Variants in PCDH15 observed in about 807,000 individuals in gnomAD.
The protein encoded by PCDH15 is protocadherin-15.
PCDH15 carries 129 observed loss-of-function variants against 178.5 expected under a neutral mutation model. The observed-to-expected ratio is 0.72, with a 90% CI of 0.63 to 0.84. PCDH15 has a LOEUF of 0.84. Among genes scored for constraint, PCDH15 ranks in the 40% least tolerant of loss-of-function variants. PCDH15 has a pLI of 0.00. For missense variants in PCDH15, 2,230 were observed against 2,099.9 expected (o/e 1.06, Z -1.21); for synonymous variants, 800 against 732.0 (o/e 1.09, Z -1.50).
chr10:55,548,511 C>T (rs767322287), intron 2 of PCDH15, among the ~76,000 whole-genome samples: 2 of 151,934 alleles, frequency 1.3e-5, no homozygotes, highest in African/African-American at 2.4e-5. Flanking sequence ...CTAGATAATC[C>T]ACAAATAATG....
chr10:55,472,618 G>C (rs551670593), intron 2 of PCDH15, among the ~76,000 whole-genome samples: 1 of 152,128 alleles, frequency 6.6e-6, no homozygotes, highest in Non-Finnish European at 1.5e-5. Flanking sequence ...GCCCAGGCTG[G>C]AGTGCAGTGG....
intron 23 of PCDH15, among the ~76,000 whole-genome samples, chr10:53,953,964 G>A (rs2087352472): frequency 6.6e-6 from 1 of 151,988 alleles, no homozygotes. Context: ...TAATTTTTTT[G>A]TATTTTTAGT....
rs138887533 is a variant in PCDH15 at position 55,505,867 on chromosome 10, T to C, written c.-156+121758A>G. Among the ~76,000 whole-genome samples, 1,218 of 151,490 alleles carry C rather than the reference T, an allele frequency of 8.0e-3. 9 individuals carry two copies. Among genetic ancestry groups the C allele is most frequent in the Non-Finnish European group, 0.012 (813 of 67,626 alleles). On this transcript the variant is annotated intron_variant, in intron 2 of 5. Coordinates refer to the PCDH15 transcript ENST00000613346. ...CTGTAGGAAGACTTCCTTGAGGAAG[T>C]GACATTTTAGCTGAACCTCCAGGTG...
At chr10:54,792,282 C>T (rs1340522940) in intron 1 of PCDH15, among the ~76,000 whole-genome samples, 1 of 151,888 alleles carries the variant, frequency 6.6e-6, no homozygotes, top group Admixed American at 6.6e-5. Context: ...ATCTCTACCC[C>T]ACTAGTGACT....
chr10:54,059,728 T>C (rs1300618201), intron 18 of PCDH15, among the ~76,000 whole-genome samples: 1 of 152,234 alleles, frequency 6.6e-6, no homozygotes, highest in Non-Finnish European at 1.5e-5. Context: ...GATAGCCACC[T>C]AACGCATGTT....
chr10:55,527,084 T>C (rs1348821495), intron 2 of PCDH15, among the ~76,000 whole-genome samples: 1 of 152,050 alleles, frequency 6.6e-6, no homozygotes, highest in African/African-American at 2.4e-5. Context: ...GATGGAAATT[T>C]TTTCCTACCT....
chr10:54,194,841 G>A (rs1004787261), intron 11 of PCDH15, among the ~76,000 whole-genome samples: 2 of 152,074 alleles, frequency 1.3e-5, no homozygotes, highest in Non-Finnish European at 2.9e-5. Flanking sequence ...GAATACCTCT[G>A]GGGAACTTAA....
chr10:54,727,606 G>A (rs1942758293), intron 1 of PCDH15, among the ~76,000 whole-genome samples: 2 of 151,004 alleles, frequency 1.3e-5, no homozygotes, highest in Admixed American at 1.3e-4. Flanking sequence ...GACCTGAACT[G>A]AACAAAACTG....
intron 3 of PCDH15, among the ~76,000 whole-genome samples, chr10:54,828,615 A>G (rs1953170925): frequency 6.6e-6 from 1 of 152,000 alleles, no homozygotes; most frequent in South Asian, 2.1e-4. Flanking sequence ...TATTAAGTAC[A>G]TTCATACATT....
intron 21 of PCDH15, among the ~76,000 whole-genome samples, chr10:53,979,190 C>T (rs1192054548): frequency 1.3e-5 from 2 of 152,156 alleles, no homozygotes; most frequent in South Asian, 4.1e-4. Context: ...TTAATTAACT[C>T]ATAGTTCTGC....
At chr10:55,061,369 T>A (rs1841426285) in intron 2 of PCDH15, among the ~76,000 whole-genome samples, 1 of 152,164 alleles carries the variant, frequency 6.6e-6, no homozygotes, top group South Asian at 2.1e-4. Context: ...TGCTACTATA[T>A]ACATTTTGGA....
At chr10:54,816,523 A>G (rs897964095) in intron 3 of PCDH15, among the ~76,000 whole-genome samples, 1 of 152,070 alleles carries the variant, frequency 6.6e-6, no homozygotes, top group Non-Finnish European at 1.5e-5. Context: ...TTTCCAAAGG[A>G]AAATGAGAAA....
intron 15 of PCDH15, among the ~76,000 whole-genome samples, chr10:54,096,584 A>T (rs888792948): frequency 1.3e-5 from 2 of 152,156 alleles, no homozygotes; most frequent in Non-Finnish European, 2.9e-5. Context: ...AGATCATGGC[A>T]CTAGCAGATC....
chr10:53,882,070 A>C (rs1008233255), intron 26 of PCDH15, among the ~76,000 whole-genome samples: 1 of 150,022 alleles, frequency 6.7e-6, no homozygotes, highest in Non-Finnish European at 1.5e-5. Flanking sequence ...GCTCACTGCA[A>C]CCTCCGCCTT....
intron 10 of PCDH15, among the ~76,000 whole-genome samples, chr10:54,201,554 A>C (rs2133981339): frequency 6.6e-6 from 1 of 152,228 alleles, no homozygotes; most frequent in South Asian, 2.1e-4. Context: ...ATGAGCATAA[A>C]CACTGTAAAT....
chr10:54,137,047 T>C (rs2042967843), intron 14 of PCDH15, among the ~76,000 whole-genome samples: 1 of 152,182 alleles, frequency 6.6e-6, no homozygotes, highest in Non-Finnish European at 1.5e-5. Context: ...GTCAGCACAG[T>C]GTCAGAGTTA....
chr10:54,441,521 C>T (rs1429359062), intron 3 of PCDH15, among the ~76,000 whole-genome samples: 4 of 151,776 alleles, frequency 2.6e-5, no homozygotes, highest in Non-Finnish European at 5.9e-5. Flanking sequence ...ACCAGCGGGG[C>T]GACATTTAAG....
At chr10:54,423,910 C>G (rs1955881598) in intron 3 of PCDH15, among the ~76,000 whole-genome samples, 2 of 151,750 alleles carry the variant, frequency 1.3e-5, no homozygotes, top group South Asian at 4.2e-4. Context: ...TCATAAAAAC[C>G]CTAGAAGAAA....
At chr10:55,253,613 T>TTA (rs1841906169) in intron 1 of PCDH15, among the ~76,000 whole-genome samples, 1 of 151,958 alleles carries the variant, frequency 6.6e-6, no homozygotes, top group Admixed American at 6.6e-5. Context: ...TAAGTTTTTT[T>TTA]TTTCTTTTTT....
Sources: allele counts gnomAD v4.1 joint callset (sites outside exome capture counted in the v4.1 genomes callset), GRCh38; gene constraint gnomAD v4.1.1; transcripts MANE v1.5; gene names NCBI Gene and HGNC (gene_info 2026-07-23, HGNC 2026-07-21).